The following GPATCH1 variants were observed in gnomAD, a reference collection of about 807,000 sequenced individuals.
GPATCH1 encodes the protein G-patch domain containing 1, also known as G patch domain-containing protein 1.
In GPATCH1, 73 loss-of-function variants were observed where a neutral mutation model predicts 114.9. The ratio of observed to expected loss-of-function variants is 0.64; its 90% confidence interval spans 0.53 to 0.77. The LOEUF is 0.77. Ranked by LOEUF, GPATCH1 falls within the 30% of genes least tolerant of loss-of-function variation. GPATCH1 has a pLI of 0.00. For missense variants in GPATCH1, 1,058 were observed against 1,144.3 expected (o/e 0.92, Z 1.09); for synonymous variants, 391 against 428.4 (o/e 0.91, Z 1.08).
chr19:33,099,166 A>T (rs1435955181), intron 8 of GPATCH1, among the ~76,000 whole-genome samples: 3 of 149,562 alleles, frequency 2.0e-5, no homozygotes, highest in Non-Finnish European at 4.4e-5. Flanking sequence ...ATTATGTAAC[A>T]TACCAATACA....
In GPATCH1 at chr19:33,130,216, G is replaced by C; in HGVS notation, c.*56G>C. On this transcript the variant is annotated 3_prime_UTR_variant, in exon 20 of 20. Transcript: ENST00000170564. The stretch of plus-strand genomic sequence containing the variant: ...ATTTCTCCTCCATGATGGAAGCCCA[G>C]TGATTGTTCAGTTAACGCATTGTAC... 8.0e-7 allele frequency: 1 copy of C among 1,254,338 alleles called. No individual in the cohort carries two copies. Among genetic ancestry groups the C allele is most frequent in the Middle Eastern group, 1.9e-4 (1 of 5,392 alleles). 77.7% of individuals were successfully genotyped at this position (1,254,338 alleles called of 1,614,324 possible). A position where few individuals can be genotyped will look rare whatever the true frequency, so the allele number is the denominator to read the frequency against.
At chr19:33,119,291 A>G (rs1972950412) in intron 17 of GPATCH1, among the ~76,000 whole-genome samples, 174 bp downstream of exon 17, 1 of 152,176 alleles carries the variant, frequency 6.6e-6, no homozygotes, top group Admixed American at 6.6e-5. Flanking sequence ...AGTTGTTTCT[A>G]TACACCTTCA....
At chr19:33,105,908 C>T (rs1301249669) in intron 9 of GPATCH1, among the ~76,000 whole-genome samples, 6 of 150,618 alleles carry the variant, frequency 4.0e-5, no homozygotes, top group South Asian at 2.1e-4. Context: ...GGTGCAGTGG[C>T]GCAATCTCAG....
chr19:33,124,994 T>TAA, intron 17 of GPATCH1, 111 bp from the exon 18 acceptor site: 1 of 1,144,100 alleles, frequency 8.7e-7, no homozygotes, highest in Non-Finnish European at 1.2e-6. Context: ...TCCTCAGTGT[T>TAA]AAACATTCCA....
intron 17 of GPATCH1, among the ~76,000 whole-genome samples, chr19:33,124,887 G>A (rs968920605): frequency 6.6e-6 from 1 of 152,110 alleles, no homozygotes; most frequent in Admixed American, 6.6e-5. Context: ...ACAGGTCTTT[G>A]TTGAGGTCTC....
At chr19:33,105,323 T>C (rs1167364119) in intron 9 of GPATCH1, among the ~76,000 whole-genome samples, 2 of 150,252 alleles carry the variant, frequency 1.3e-5, no homozygotes, top group Non-Finnish European at 3.0e-5. Context: ...TTCCTGCTAC[T>C]TGGGAGGCTG....
intron 17 of GPATCH1, among the ~76,000 whole-genome samples, chr19:33,120,289 A>G (rs1434161567): frequency 1.7e-5 from 1 of 60,020 alleles, no homozygotes; most frequent in Non-Finnish European, 2.7e-5. Flanking sequence ...TATAAAAATT[A>G]TATATAAAAT....
intron 7 of GPATCH1, among the ~76,000 whole-genome samples, chr19:33,096,700 C>G (rs1407148715): frequency 6.6e-6 from 1 of 151,954 alleles, no homozygotes; most frequent in African/African-American, 2.4e-5. Flanking sequence ...GCGATCTTGG[C>G]TTACTGCAAC....
intron 9 of GPATCH1, among the ~76,000 whole-genome samples, chr19:33,105,926 C>T (rs939572650): frequency 7.9e-5 from 12 of 152,024 alleles, no homozygotes; most frequent in African/African-American, 2.4e-4. Context: ...CAGCTCACTG[C>T]GACCTCTGCC....
chr19:33,104,432 G>T (rs1407305084), intron 9 of GPATCH1, among the ~76,000 whole-genome samples: 1 of 152,270 alleles, frequency 6.6e-6, no homozygotes, highest in East Asian at 1.9e-4. Flanking sequence ...GGGTTTTTGT[G>T]TGGTGGTAAC....
chr19:33,097,365 C>A (rs191753952), intron 7 of GPATCH1, among the ~76,000 whole-genome samples: 94 of 152,338 alleles, frequency 6.2e-4, no homozygotes, highest in African/African-American at 2.2e-3. Flanking sequence ...AGCAGCGGCC[C>A]TTAGACCCCA....
chr19:33,099,259 A>G (rs1312570784), intron 8 of GPATCH1, among the ~76,000 whole-genome samples: 2 of 151,420 alleles, frequency 1.3e-5, no homozygotes, highest in African/African-American at 4.8e-5. Flanking sequence ...ATAATATCCT[A>G]TATCTGTTAA....
At chr19:33,103,607 A>C (rs1013434804) in intron 9 of GPATCH1, among the ~76,000 whole-genome samples, 4 of 152,136 alleles carry the variant, frequency 2.6e-5, no homozygotes, top group Non-Finnish European at 5.9e-5. Context: ...AGGCTGAGGC[A>C]GGAGAATTAC....
At chr19:33,100,852 C>G (rs900462093) in intron 8 of GPATCH1, among the ~76,000 whole-genome samples, 2 of 151,822 alleles carry the variant, frequency 1.3e-5, no homozygotes, top group Non-Finnish European at 2.9e-5. Context: ...TTGGCGTAAC[C>G]AGTACGTGCA....
At chr19:33,089,611 T>C (rs1343420764) in intron 2 of GPATCH1, among the ~76,000 whole-genome samples, 1 of 143,368 alleles carries the variant, frequency 7.0e-6, no homozygotes, top group Non-Finnish European at 1.5e-5. Flanking sequence ...ATGGGCTAGA[T>C]CTTTTATAAT....
chr19:33,128,921 A>G (rs2145345625), intron 19 of GPATCH1, among the ~76,000 whole-genome samples: 1 of 152,284 alleles, frequency 6.6e-6, no homozygotes, highest in African/African-American at 2.4e-5. Flanking sequence ...TCTGTTTCAA[A>G]TAGAACTGCC....
chr19:33,084,557 C>G (rs1279860643), intron 1 of GPATCH1, among the ~76,000 whole-genome samples: 3 of 152,088 alleles, frequency 2.0e-5, no homozygotes, highest in Admixed American at 2.0e-4. Context: ...GCACTATGTT[C>G]AAGGCCCCCT....
At position 33,081,215 on chromosome 19, in the gene GPATCH1, A is replaced by C; in HGVS notation, c.22A>C (p.Ser8Arg). The C allele has an allele frequency of 1.3e-6, 2 of 1,551,694 alleles. No homozygotes were observed. The highest frequency in any genetic ancestry group is 1.7e-6 in the Non-Finnish European group (2 of 1,147,020). MAARDSD[S>R]EEDLVSYGTG... is the part of the protein sequence containing the mutation. ...CAGGATGGCGGCGCGGGACAGTGAC[A>C]GCGAAGAAGATCTGGTCAGCTATGG... Residue 8 changes from serine (S) to arginine (R), a missense_variant, in exon 1 of 20, where the codon AGC becomes CGC. By Grantham distance (110) the Ser-to-Arg change is moderately radical. This residue lies in a region of GPATCH1 where 131 missense variants were observed against 107.2 expected (regional missense o/e 1.22). Transcript: ENST00000170564.
chr19:33,122,945 GCCTGTGGTC>G (rs1973001675), intron 17 of GPATCH1, among the ~76,000 whole-genome samples: 1 of 151,876 alleles, frequency 6.6e-6, no homozygotes, highest in Admixed American at 6.6e-5. Flanking sequence ...GGTGGTACAT[GCCTGTGGTC>G]CCAGCTACTC....
Sources: allele counts gnomAD v4.1 joint callset (sites outside exome capture counted in the v4.1 genomes callset), GRCh38; gene constraint gnomAD v4.1.1; regional missense constraint gnomAD v4.1.1; transcripts MANE v1.5; gene names NCBI Gene and HGNC (gene_info 2026-07-23, HGNC 2026-07-21).